Variants in CSMD3 observed in about 807,000 individuals in gnomAD.
CSMD3 encodes the protein CUB and Sushi multiple domains 3.
Under a neutral mutation model 435.2 loss-of-function variants are expected in CSMD3, and 177 were observed. That is an observed-to-expected ratio of 0.41 (90% CI 0.36 to 0.46). The LOEUF (loss-of-function observed/expected upper bound fraction) is 0.46, where lower values mean the gene tolerates loss of function less well. Among genes scored for constraint, CSMD3 ranks in the 20% least tolerant of loss-of-function variants. The pLI is 0.34. For synonymous variants in CSMD3, 1,656 were observed against 1,520.5 expected (o/e 1.09, Z -2.07); for missense variants, 4,265 against 4,504.6 (o/e 0.95, Z 1.52).
rs529816713 is a variant in CSMD3 at position 112,499,965 on chromosome 8, C to G, written c.5083+3825G>C. 1.4e-3 allele frequency among the ~76,000 whole-genome samples: 219 copies of G among 152,062 alleles called. 1 individual carries two copies. Among genetic ancestry groups the G allele is most frequent in the African/African-American group, 4.8e-3 (198 of 41,482 alleles). ...CTCTACTAAAGATACAAAAATTAGC[C>G]AGGCATGGTGGCTCATGCCTGTAAT... On this transcript the variant is annotated intron_variant, in intron 30 of 70. Transcript: ENST00000297405.
chr8:112,737,111 C>A (rs1013361188), intron 13 of CSMD3, among the ~76,000 whole-genome samples: 7 of 151,900 alleles, frequency 4.6e-5, no homozygotes, highest in Admixed American at 2.6e-4. Flanking sequence ...GTACAAATAA[C>A]TAATTGGATA....
intron 7 of CSMD3, among the ~76,000 whole-genome samples, chr8:112,958,167 C>A (rs959343178): frequency 6.6e-6 from 1 of 152,148 alleles, no homozygotes; most frequent in Non-Finnish European, 1.5e-5. Context: ...AGATGAAGCA[C>A]TTTCATTTGT....
At chr8:113,224,795 ATTTT>A (rs202113273) in intron 3 of CSMD3, among the ~76,000 whole-genome samples, 2 of 148,406 alleles carry the variant, frequency 1.3e-5, no homozygotes, top group Non-Finnish European at 3.0e-5. Flanking sequence ...TCTTGTGTAA[ATTTT>A]TTTTTTTAAT....
At chr8:112,371,661 G>T (rs1037412114) in intron 38 of CSMD3, among the ~76,000 whole-genome samples, 1 of 152,124 alleles carries the variant, frequency 6.6e-6, no homozygotes, top group African/African-American at 2.4e-5. Flanking sequence ...AGGCCGAGGC[G>T]GGCGTATTAC....
At chr8:112,988,436 A>G (rs1263914725) in intron 6 of CSMD3, among the ~76,000 whole-genome samples, 2 of 152,002 alleles carry the variant, frequency 1.3e-5, no homozygotes, top group African/African-American at 4.8e-5. Context: ...TGATACCTCT[A>G]TGTTCTATTT....
intron 38 of CSMD3, among the ~76,000 whole-genome samples, chr8:112,363,932 T>A (rs1382983167): frequency 6.6e-6 from 1 of 152,064 alleles, no homozygotes; most frequent in Non-Finnish European, 1.5e-5. Flanking sequence ...AATGTTGATG[T>A]GCATAAACTA....
At chr8:112,992,173 T>C (rs2085479349) in intron 6 of CSMD3, among the ~76,000 whole-genome samples, 1 of 151,756 alleles carries the variant, frequency 6.6e-6, no homozygotes, top group Admixed American at 6.6e-5. Context: ...TATGTCTTCG[T>C]TCCTTCCTTC....
At chr8:113,202,460 C>T (rs921427609) in intron 3 of CSMD3, among the ~76,000 whole-genome samples, 5 of 152,054 alleles carry the variant, frequency 3.3e-5, no homozygotes, top group Admixed American at 3.3e-4. Flanking sequence ...CTTGATTAGG[C>T]CTCCAGGGGG....
At chr8:113,187,605 C>G (rs2092526247) in intron 3 of CSMD3, among the ~76,000 whole-genome samples, 2 of 151,908 alleles carry the variant, frequency 1.3e-5, no homozygotes, top group Non-Finnish European at 2.9e-5. Context: ...ATGTTTGATT[C>G]ACATTGACAA....
intron 12 of CSMD3, among the ~76,000 whole-genome samples, chr8:112,826,741 G>A (rs556787943): frequency 3.5e-4 from 54 of 152,124 alleles, no homozygotes; most frequent in Non-Finnish European, 6.3e-4. Flanking sequence ...GGCAGCCTCC[G>A]ATCTCTGCTG....
chr8:112,872,237 A>G (rs565415380), intron 10 of CSMD3, among the ~76,000 whole-genome samples: 3 of 152,060 alleles, frequency 2.0e-5, no homozygotes, highest in East Asian at 1.9e-4. Context: ...CTACATCTTC[A>G]TGAGAAACTA....
At chr8:113,061,487 G>C (rs1270324668) in intron 5 of CSMD3, among the ~76,000 whole-genome samples, 1 of 152,014 alleles carries the variant, frequency 6.6e-6, no homozygotes, top group Non-Finnish European at 1.5e-5. Context: ...GAGGCTGAGA[G>C]AAAACAAAAA....
At chr8:113,010,167 G>C (rs1419098805) in intron 6 of CSMD3, among the ~76,000 whole-genome samples, 1 of 151,610 alleles carries the variant, frequency 6.6e-6, no homozygotes, top group Non-Finnish European at 1.5e-5. Flanking sequence ...GTGCACAGCA[G>C]AAGTAGATCC....
intron 5 of CSMD3, among the ~76,000 whole-genome samples, chr8:113,023,067 A>G (rs557034497): frequency 9.3e-4 from 142 of 152,250 alleles, no homozygotes; most frequent in Middle Eastern, 3.4e-3. Context: ...GATAAAGTTC[A>G]TAAAACTATT....
chr8:112,443,754 A>G (rs909101781), intron 32 of CSMD3, among the ~76,000 whole-genome samples: 2 of 152,096 alleles, frequency 1.3e-5, no homozygotes, highest in African/African-American at 4.8e-5. Flanking sequence ...ATCTGGCTTA[A>G]TAATTTTTCT....
chr8:113,019,243 A>T lies in CSMD3; in HGVS notation c.918-64T>A. On this transcript the variant is annotated intron_variant, in intron 5 of 70. Coordinates refer to ENST00000297405, the MANE Select transcript of CSMD3 (RefSeq NM_198123.2). ...CTTTTCAGCAGTAAACGTTTTCACAAAATTGGGACCAAACAAATGTCCAAC... is the reference window on the plus strand; with the variant it reads ...CTTTTCAGCAGTAAACGTTTTCACATAATTGGGACCAAACAAATGTCCAAC... The T allele has an allele frequency of 3.0e-6, 3 of 1,003,838 alleles. No homozygotes were observed. The South Asian group carries it at 3.8e-5, about 13-fold the overall frequency. The allele number at this position is 1,003,838 out of a possible 1,614,324, so 62.2% of individuals were successfully genotyped here.
At chr8:112,398,430 C>A (rs1831034555) in intron 35 of CSMD3, among the ~76,000 whole-genome samples, 1 of 152,204 alleles carries the variant, frequency 6.6e-6, no homozygotes, top group Non-Finnish European at 1.5e-5. Context: ...GGTGGCCCCA[C>A]CTCTGTAGCT....
At position 112,571,370 on chromosome 8, in the gene CSMD3, A is replaced by T. The variant is rs1028894995; in HGVS notation, c.4042+2131T>A. ...TATTTGCTAATTAAAATATCTTTTT[A>T]AAAAAATTCTACAGTTCACACTAAT... On this transcript the variant is annotated intron_variant, in intron 24 of 70. Coordinates refer to ENST00000297405, the MANE Select transcript of CSMD3 (RefSeq NM_198123.2). Among the ~76,000 whole-genome samples the T allele has an allele frequency of 5.9e-5, 9 of 152,232 alleles. No homozygotes were observed. The East Asian group carries it at 7.7e-4, about 13-fold the overall frequency.
chr8:112,496,650 A>G (rs1821377188), intron 30 of CSMD3, among the ~76,000 whole-genome samples: 1 of 152,208 alleles, frequency 6.6e-6, no homozygotes, highest in South Asian at 2.1e-4. Context: ...ATTTGCAACA[A>G]CATGGATGGA....
Sources: gnomAD v4.1 joint callset for allele counts (sites outside exome capture counted in the v4.1 genomes callset) on GRCh38, gnomAD v4.1.1 for gene constraint, MANE v1.5 for transcripts, NCBI Gene and HGNC (gene_info 2026-07-23, HGNC 2026-07-21) for gene names.